Variants in TBX19 observed in about 807,000 individuals in gnomAD.
TBX19 encodes T-box transcription factor 19.
TBX19 carries 33 observed loss-of-function variants against 40.9 expected under a neutral mutation model. That is an observed-to-expected ratio of 0.81 (90% confidence interval 0.61 to 1.08). The LOEUF (loss-of-function observed/expected upper bound fraction) is 1.08, where lower values mean the gene tolerates loss of function less well. Ranked by LOEUF, TBX19 falls within the 50% of genes least tolerant of loss-of-function variation. The pLI is 0.00. For synonymous variants in TBX19, 220 were observed against 225.0 expected (o/e 0.98, Z 0.20); for missense variants, 494 against 574.0 (o/e 0.86, Z 1.42).
chr1:168,299,812 C>T (rs1039225254), intron 4 of TBX19, among the ~76,000 whole-genome samples: 4 of 152,138 alleles, frequency 2.6e-5, no homozygotes, highest in East Asian at 1.9e-4. Context: ...ACAAGACACA[C>T]TTATAACGTT....
Position 168,313,454 on chromosome 1 carries a change from TGAGACCAG to T in TBX19, c.*455_*462del, listed in dbSNP as rs1649572505. The T allele has an allele frequency of 4.1e-6, 1 of 243,972 alleles. No individual in the cohort carries two copies. The highest frequency in any genetic ancestry group is 2.3e-5 in the African/African-American group (1 of 44,114). 15.1% of individuals were successfully genotyped at this position (243,972 alleles called of 1,614,324 possible). ...AGGGCTCAGGTTCACACTTCTGCTT[TGAGACCAG>T]GATGGGGTGTAAGCCATAGAGTAAG... On this transcript the variant is annotated 3_prime_UTR_variant, in exon 8 of 8. Coordinates refer to ENST00000367821, the MANE Select transcript of TBX19 (RefSeq NM_005149.3).
At chr1:168,282,559 T>C (rs1648687586) in intron 1 of TBX19, among the ~76,000 whole-genome samples, 1 of 152,212 alleles carries the variant, frequency 6.6e-6, no homozygotes, top group Non-Finnish European at 1.5e-5. Context: ...TTGCTTTTAA[T>C]ATTGTTACTG....
chr1:168,305,301 C>T lies in TBX19; in HGVS notation c.916+105C>T, dbSNP rs549813819. On this transcript the variant is annotated intron_variant, in intron 6 of 7. Transcript: ENST00000367821. ...AAAGGAGTAGCTAAAGATGGAACCC[C>T]GTCATCTAATATACATCTATGATAT... 1.7e-5 allele frequency: 18 copies of T among 1,029,626 alleles called. No homozygotes were observed. The African/African-American group carries it at 1.9e-4, about 11-fold the overall frequency. The allele number at this position is 1,029,626 out of a possible 1,614,324, so 63.8% of individuals were successfully genotyped here. A position where few individuals can be genotyped will look rare whatever the true frequency, so the allele number is the denominator to read the frequency against.
At chr1:168,293,365 G>A (rs1380387138) in intron 3 of TBX19, 87 bp downstream of exon 3, 13 of 1,486,210 alleles carry the variant, frequency 8.7e-6, no homozygotes, top group Middle Eastern at 4.1e-4. Flanking sequence ...TGGGCGGGGG[G>A]GGTCCTTTTA....
intron 1 of TBX19, among the ~76,000 whole-genome samples, chr1:168,283,959 C>T (rs1427842977): frequency 6.6e-6 from 1 of 152,178 alleles, no homozygotes; most frequent in East Asian, 1.9e-4. Context: ...TCTACTTTCA[C>T]ATATATAAAT....
intron 3 of TBX19, among the ~76,000 whole-genome samples, chr1:168,294,306 C>A (rs1351660224): frequency 6.6e-6 from 1 of 151,840 alleles, no homozygotes; most frequent in African/African-American, 2.4e-5. Context: ...AGCCCCCCAC[C>A]AATGGACATT....
intron 1 of TBX19, among the ~76,000 whole-genome samples, chr1:168,284,526 A>G (rs1439990982): frequency 6.6e-6 from 1 of 151,992 alleles, no homozygotes; most frequent in Non-Finnish European, 1.5e-5. Context: ...AATTTAAACA[A>G]CTAGCCAGGA....
In TBX19 at chr1:168,293,290, TGTGTGTGTGTG is replaced by T. The variant is rs781757485; in HGVS notation, c.603+13_603+23del. On this transcript the variant is annotated intron_variant, in intron 3 of 7. Transcript: ENST00000367821. Reference sequence around the variant, plus strand: ...ATCAGAATGAGGAGGTAAGAGTGTGTGTGTGTGTGTGTGTGTGTGTGTGTGTGTGTGTGTGT... The same window carrying T: ...ATCAGAATGAGGAGGTAAGAGTGTGTTGTGTGTGTGTGTGTGTGTGTGTGT... The T allele has an allele frequency of 2.6e-5, 37 of 1,450,088 alleles. No individual in the cohort carries two copies. Among genetic ancestry groups the T allele is most frequent in the African/African-American group, 2.9e-5 (2 of 69,902 alleles). 89.8% of individuals were successfully genotyped at this position (1,450,088 alleles called of 1,614,324 possible).
intron 1 of TBX19, among the ~76,000 whole-genome samples, chr1:168,287,152 G>A (rs975535271): frequency 6.6e-6 from 1 of 152,196 alleles, no homozygotes; most frequent in African/African-American, 2.4e-5. Context: ...TAAGAGGAGG[G>A]CACTCTAACC....
Position 168,308,835 on chromosome 1 carries a change from TG to T in TBX19, c.1011del (p.Ser338LeufsTer51), listed in dbSNP as rs763171988. 2 of 1,614,182 alleles carry T rather than the reference TG, an allele frequency of 1.2e-6. No individual in the cohort carries two copies. Among genetic ancestry groups the T allele is most frequent in the South Asian group, 2.2e-5 (2 of 91,072 alleles). ...SLSSTPHASILSVPHTNGPIN... is the reference protein window; with the variant it reads ...SLSSTPHASIXSVPHTNGPIN... ...TCCTCCACACCCCATGCCAGCATCC[TG>T]TCTGTACCCCACACCAACGGACCAA... On this transcript the variant is annotated frameshift_variant, in exon 7 of 8. Transcript: ENST00000367821. LOFTEE classifies it high-confidence loss of function.
intron 1 of TBX19, among the ~76,000 whole-genome samples, chr1:168,285,686 A>T (rs963545007): frequency 1.3e-5 from 2 of 152,248 alleles, no homozygotes; most frequent in African/African-American, 4.8e-5. Context: ...GGATTAAGTG[A>T]AATTATGCTG....
intron 1 of TBX19, among the ~76,000 whole-genome samples, chr1:168,287,323 A>C (rs1267418323): frequency 6.6e-6 from 1 of 152,300 alleles, no homozygotes. Flanking sequence ...AACATTTTGC[A>C]TGAGTCATTC....
In TBX19 at chr1:168,291,392, A is replaced by G; in HGVS notation, c.436A>G (p.Lys146Glu). The G allele has an allele frequency of 6.2e-7, 1 of 1,614,216 alleles. No homozygotes were observed. The highest frequency in any genetic ancestry group is 8.5e-7 in the Non-Finnish European group (1 of 1,180,034). Residue 146 changes from lysine (K) to glutamate (E), a missense_variant, in exon 2 of 8, where the codon AAG (lysine) becomes GAG (glutamate). By Grantham distance (56) the Lys-to-Glu change is moderately conservative (BLOSUM62 1). Transcript: ENST00000367821. ...AGCTCCCATCTCCTTCAGCAAAGTG[A>G]AGCTGACCAACAAGCTCAATGGAGG... The part of the protein sequence containing the change: ...MKAPISFSKV[K>E]LTNKLNGGGQ...
chr1:168,291,027 T>C (rs1648924068), intron 1 of TBX19, 133 bp from the exon 2 acceptor site: 1 of 1,124,308 alleles, frequency 8.9e-7, no homozygotes, highest in African/African-American at 1.5e-5. Flanking sequence ...ATTGGGGTTG[T>C]GGACTTGGGC....
chr1:168,281,334 G>T, intron 1 of TBX19, 41 bp downstream of exon 1: 1 of 1,593,804 alleles, frequency 6.3e-7, no homozygotes, highest in Non-Finnish European at 8.6e-7. Context: ...GCAGGGCTTG[G>T]CAGGAGAGAT....
chr1:168,284,648 T>A (rs776638692), intron 1 of TBX19, among the ~76,000 whole-genome samples: 1 of 151,452 alleles, frequency 6.6e-6, no homozygotes, highest in Non-Finnish European at 1.5e-5. Flanking sequence ...TGGTGACACC[T>A]ACCTGTAGTC....
intron 1 of TBX19, among the ~76,000 whole-genome samples, chr1:168,284,171 TCCTC>T (rs1648746801): frequency 6.6e-6 from 1 of 152,072 alleles, no homozygotes; most frequent in African/African-American, 2.4e-5. Flanking sequence ...AGCCTTTTCT[TCCTC>T]CCTCTCTTTT....
rs759786679 is a variant in TBX19, at chr1:168,297,761, A to C, written c.641A>C (p.Lys214Thr). 1 of 1,614,104 alleles carries C rather than the reference A, an allele frequency of 6.2e-7. No individual in the cohort carries two copies. The highest frequency in any genetic ancestry group is 8.5e-7 in the Non-Finnish European group (1 of 1,180,034). ...AAAATCAAGTACAATCCTTTTGCCA[A>C]AGCCTTCTTGGATGCCAAGGAAAGG... ...ALKIKYNPFAKAFLDAKERNH... is the reference protein window; with the variant it reads ...ALKIKYNPFATAFLDAKERNH... The change falls in exon 4 of 8, where the codon AAA becomes ACA. Residue 214 changes from lysine (K) to threonine (T), a missense_variant. By Grantham distance (78) the Lys-to-Thr change is moderately conservative. This residue lies in a region of TBX19 where 284 missense variants were observed against 307.3 expected (regional missense o/e 0.92). Transcript: ENST00000367821.
In TBX19 at chr1:168,293,024, ATG is replaced by A. The variant is rs1572475990; in HGVS notation, c.469-114_469-113del. ...CAGCTCAGGTGGCCTAGGATTTGAAATGTGTGTCCCTAACCGGGGTGGTGCTA... is the reference window on the plus strand; with the variant it reads ...CAGCTCAGGTGGCCTAGGATTTGAAATGTGTCCCTAACCGGGGTGGTGCTA... On this transcript the variant is annotated intron_variant, in intron 2 of 7. Coordinates refer to ENST00000367821, the MANE Select transcript of TBX19 (RefSeq NM_005149.3). The A allele has an allele frequency of 2.1e-5, 32 of 1,553,556 alleles. No homozygotes were observed. In the East Asian group the frequency reaches 6.8e-4, roughly 33 times the overall value.
Sources: gnomAD v4.1 joint callset for allele counts (sites outside exome capture counted in the v4.1 genomes callset) on GRCh38, gnomAD v4.1.1 for gene constraint, gnomAD v4.1.1 regional missense constraint, MANE v1.5 for transcripts, NCBI Gene and HGNC (gene_info 2026-07-23, HGNC 2026-07-21) for gene names.